LPGAT1: variants seen among roughly 807,000 people sequenced by gnomAD.
The protein encoded by LPGAT1 is lysophosphatidylglycerol acyltransferase 1, also known as acyl-CoA:lysophosphatidylglycerol acyltransferase 1.
Under a neutral mutation model 47.5 loss-of-function variants are expected in LPGAT1, and 11 were observed. The observed-to-expected ratio is 0.23, with a 90% confidence interval of 0.15 to 0.38. The LOEUF (loss-of-function observed/expected upper bound fraction) is 0.38. Ranked by LOEUF, LPGAT1 falls within the 10% of genes least tolerant of loss-of-function variation. The probability of loss-of-function intolerance (pLI) is 1.00; values close to 1 mark genes in which losing one functional copy is unlikely to be tolerated. For missense variants in LPGAT1, 293 were observed against 439.0 expected (o/e 0.67, Z 2.97); for synonymous variants, 138 against 144.2 (o/e 0.96, Z 0.31).
At position 211,749,774 on chromosome 1, in the gene LPGAT1, A is replaced by T; in HGVS notation, c.*125T>A. ...AATATCCCAAAGGGGGATAAATATTAATCCATCCATTGAATTTCTTTTGCT... is the reference window on the plus strand; with the variant it reads ...AATATCCCAAAGGGGGATAAATATTTATCCATCCATTGAATTTCTTTTGCT... On this transcript the variant is annotated 3_prime_UTR_variant, in exon 8 of 8. Transcript: ENST00000366997. The T allele has an allele frequency of 1.1e-6, 1 of 921,400 alleles. No individual in the cohort carries two copies. The highest frequency in any genetic ancestry group is 1.7e-6 in the Non-Finnish European group (1 of 581,488). The allele number at this position is 921,400 out of a possible 1,614,324, so 57.1% of individuals were successfully genotyped here. A position where few individuals can be genotyped will look rare whatever the true frequency, so the allele number is the denominator to read the frequency against.
At chr1:211,766,427 C>T (rs1404491166) in intron 6 of LPGAT1, among the ~76,000 whole-genome samples, 1 of 152,172 alleles carries the variant, frequency 6.6e-6, no homozygotes, top group African/African-American at 2.4e-5. Context: ...GTCGAAAATG[C>T]ATTTAATACA....
At chr1:211,766,610 A>C (rs1657927679) in intron 6 of LPGAT1, among the ~76,000 whole-genome samples, 1 of 152,168 alleles carries the variant, frequency 6.6e-6, no homozygotes, top group South Asian at 2.1e-4. Flanking sequence ...AAAACAAAAA[A>C]CACAATATCC....
chr1:211,824,282 G>C (rs1660463586), intron 2 of LPGAT1, among the ~76,000 whole-genome samples: 1 of 152,150 alleles, frequency 6.6e-6, no homozygotes, highest in Admixed American at 6.5e-5. Flanking sequence ...TGTAATCCCA[G>C]CTACTCGGGA....
intron 5 of LPGAT1, 101 bp from the exon 6 acceptor site, chr1:211,779,145 C>A: frequency 1.1e-6 from 1 of 898,788 alleles, no homozygotes. Context: ...ATCACTATAC[C>A]TTTTGCATTA....
chr1:211,830,547 C>T lies in LPGAT1; in HGVS notation c.-28+26G>A. On this transcript the variant is annotated intron_variant, in intron 1 of 7. Coordinates refer to ENST00000366997, the MANE Select transcript of LPGAT1 (RefSeq NM_014873.3). The surrounding 1 kb of genome is among the most constrained non-coding windows in gnomAD (Gnocchi z 5.9). ...GCCCGGCTCCGCTGCCGCTCTGGGG[C>T]CTGCGACCGCGGAGCCGGAGGTTAC... 9.7e-7 allele frequency: 1 copy of T among 1,030,438 alleles called. No individual in the cohort carries two copies. The highest frequency in any genetic ancestry group is 1.2e-6 in the Non-Finnish European group (1 of 850,792). 63.8% of individuals were successfully genotyped at this position (1,030,438 alleles called of 1,614,324 possible). A position where few individuals can be genotyped will look rare whatever the true frequency, so the allele number is the denominator to read the frequency against.
At chr1:211,818,094 C>T (rs543506855) in intron 2 of LPGAT1, among the ~76,000 whole-genome samples, 142 of 152,248 alleles carry the variant, frequency 9.3e-4, no homozygotes, top group African/African-American at 3.2e-3. Flanking sequence ...CTTGGCCTTC[C>T]GAAGTGCTAG....
At chr1:211,774,246 C>T (rs551180337) in intron 6 of LPGAT1, among the ~76,000 whole-genome samples, 2 of 139,402 alleles carry the variant, frequency 1.4e-5, no homozygotes, top group South Asian at 2.3e-4. Flanking sequence ...GAGATTCTCC[C>T]GTCTCAGACT....
intron 6 of LPGAT1, among the ~76,000 whole-genome samples, chr1:211,773,800 A>G (rs1571713669): frequency 1.3e-5 from 2 of 152,344 alleles, no homozygotes; most frequent in Admixed American, 1.3e-4. Flanking sequence ...ATAGAAATAA[A>G]AAGAGGAGAG....
At chr1:211,774,617 T>C (rs1658320078) in intron 6 of LPGAT1, among the ~76,000 whole-genome samples, 1 of 152,182 alleles carries the variant, frequency 6.6e-6, no homozygotes, top group Non-Finnish European at 1.5e-5. Context: ...ATACTACCTA[T>C]TTGTAAGACA....
At chr1:211,778,138 C>G (rs566782754) in intron 6 of LPGAT1, among the ~76,000 whole-genome samples, 2 of 152,032 alleles carry the variant, frequency 1.3e-5, no homozygotes, top group African/African-American at 4.8e-5. Flanking sequence ...GTCAGGAGAT[C>G]GAGACCATCC....
At chr1:211,750,894 CT>C (rs1657149693) in intron 7 of LPGAT1, 66 bp downstream of exon 7, 2 of 1,198,132 alleles carry the variant, frequency 1.7e-6, no homozygotes, top group African/African-American at 1.5e-5. Context: ...ATGCAAACAG[CT>C]TTCTTTAAAA....
chr1:211,782,041 G>A (rs181411999), intron 5 of LPGAT1, among the ~76,000 whole-genome samples: 72 of 152,032 alleles, frequency 4.7e-4, no homozygotes, highest in African/African-American at 1.6e-3. Flanking sequence ...CTAACATTTT[G>A]GTGTCTTTCC....
chr1:211,779,531 G>A (rs1658549115), intron 5 of LPGAT1, among the ~76,000 whole-genome samples: 1 of 152,138 alleles, frequency 6.6e-6, no homozygotes, highest in Non-Finnish European at 1.5e-5. Flanking sequence ...CATTCTTTAT[G>A]TACACATTTT....
chr1:211,769,026 T>C (rs1046735102), intron 6 of LPGAT1, among the ~76,000 whole-genome samples: 18 of 152,172 alleles, frequency 1.2e-4, no homozygotes, highest in African/African-American at 4.3e-4. Flanking sequence ...TAGATACCAC[T>C]CTAAGACTTC....
intron 4 of LPGAT1, 98 bp downstream of exon 4, chr1:211,787,534 G>A: frequency 1.9e-6 from 1 of 529,702 alleles, no homozygotes; most frequent in Non-Finnish European, 3.4e-6. Context: ...GTTAGAAGCA[G>A]CCCTACCTAT....
At chr1:211,788,004 T>C (rs1235356631) in intron 3 of LPGAT1, among the ~76,000 whole-genome samples, 1 of 152,230 alleles carries the variant, frequency 6.6e-6, no homozygotes, top group Non-Finnish European at 1.5e-5. Flanking sequence ...TTGGACTTAA[T>C]GATTTCAAAT....
At chr1:211,768,881 A>G (rs1658049127) in intron 6 of LPGAT1, among the ~76,000 whole-genome samples, 1 of 152,194 alleles carries the variant, frequency 6.6e-6, no homozygotes, top group Non-Finnish European at 1.5e-5. Flanking sequence ...CCAAGGGAAG[A>G]CTTCTCGTGG....
intron 2 of LPGAT1, among the ~76,000 whole-genome samples, chr1:211,811,195 C>T (rs1358921069): frequency 6.6e-6 from 1 of 152,146 alleles, no homozygotes; most frequent in Non-Finnish European, 1.5e-5. Context: ...TATGAGCAAG[C>T]AGGGAGGAAT....
intron 5 of LPGAT1, among the ~76,000 whole-genome samples, chr1:211,782,153 G>A (rs146003499): frequency 9.9e-5 from 15 of 152,228 alleles, no homozygotes; most frequent in Middle Eastern, 3.4e-3. Context: ...GAGCACAAAC[G>A]TTTTTCCAAG....
Sources: gnomAD v4.1 joint callset for allele counts (sites outside exome capture counted in the v4.1 genomes callset) on GRCh38, gnomAD v4.1.1 for gene constraint, Gnocchi (gnomAD v3.1) non-coding constraint, MANE v1.5 for transcripts, NCBI Gene and HGNC (gene_info 2026-07-23, HGNC 2026-07-21) for gene names.